Variants in MYRIP observed in about 807,000 individuals in gnomAD.
The protein encoded by MYRIP is myosin VIIA and Rab interacting protein.
MYRIP carries 49 observed loss-of-function variants against 98.0 expected under a neutral mutation model. The observed-to-expected ratio is 0.50, with a 90% CI of 0.40 to 0.63. The LOEUF is 0.63. Among genes scored for constraint, MYRIP ranks in the 30% least tolerant of loss-of-function variants. The pLI is 0.00. For missense variants in MYRIP, 1,004 were observed against 1,058.2 expected, an observed-to-expected ratio of 0.95 and a Z score of 0.71; for synonymous variants, 404 against 409.5, an observed-to-expected ratio of 0.99 and a Z score of 0.16.
At chr3:40,043,407 C>G (rs1947590997) in intron 2 of MYRIP, among the ~76,000 whole-genome samples, 1 of 151,968 alleles carries the variant, frequency 6.6e-6, no homozygotes, top group Admixed American at 6.6e-5. Flanking sequence ...TCACTGAGCA[C>G]AGAGAGAAGT....
intron 1 of MYRIP, among the ~76,000 whole-genome samples, chr3:39,839,146 T>G (rs1941719126): frequency 1.3e-5 from 2 of 152,160 alleles, no homozygotes; most frequent in Admixed American, 1.3e-4. Context: ...GCTCCTGGAT[T>G]CATTGATTTT....
chr3:40,252,755 A>AAGAT (rs780107883), intron 16 of MYRIP, among the ~76,000 whole-genome samples: 1 of 152,198 alleles, frequency 6.6e-6, no homozygotes, highest in Non-Finnish European at 1.5e-5. Flanking sequence ...CTGGTTGTCC[A>AAGAT]AGATAGAATC....
At chr3:40,031,007 A>T (rs1177126168) in intron 2 of MYRIP, among the ~76,000 whole-genome samples, 1 of 152,056 alleles carries the variant, frequency 6.6e-6, no homozygotes, top group African/African-American at 2.4e-5. Context: ...TGGGGAGGGG[A>T]GTAAGAAAGG....
At chr3:39,879,445 A>G (rs1376243159) in intron 1 of MYRIP, among the ~76,000 whole-genome samples, 3 of 151,860 alleles carry the variant, frequency 2.0e-5, no homozygotes, top group Non-Finnish European at 2.9e-5. Flanking sequence ...TGGAGGATAT[A>G]GTACAGAGAC....
intron 1 of MYRIP, among the ~76,000 whole-genome samples, chr3:39,847,562 A>G (rs774610842): frequency 5.3e-5 from 8 of 152,078 alleles, no homozygotes; most frequent in Non-Finnish European, 1.0e-4. Context: ...GTACCTCAAC[A>G]GGTCATAGTT....
intron 2 of MYRIP, among the ~76,000 whole-genome samples, chr3:40,028,693 AC>A (rs1559370662): frequency 1.3e-5 from 2 of 152,304 alleles, no homozygotes; most frequent in Middle Eastern, 3.4e-3. Flanking sequence ...CATGTAGCTG[AC>A]CATTTGAAGT....
At chr3:40,053,674 G>A (rs1947833268) in intron 3 of MYRIP, among the ~76,000 whole-genome samples, 1 of 152,104 alleles carries the variant, frequency 6.6e-6, no homozygotes, top group Non-Finnish European at 1.5e-5. Flanking sequence ...CCCAAGTTCA[G>A]GAGTCTCCTT....
intron 2 of MYRIP, among the ~76,000 whole-genome samples, chr3:39,925,186 AAAAT>A (rs1320904383): frequency 1.3e-5 from 2 of 151,898 alleles, no homozygotes; most frequent in African/African-American, 4.8e-5. Context: ...AATGATTTAA[AAAAT>A]AAATCTTCAG....
Position 39,912,833 on chromosome 3 carries a change from A to G in MYRIP, c.110+11907A>G, listed in dbSNP as rs538561821. On this transcript the variant is annotated intron_variant, in intron 2 of 16. Transcript: ENST00000302541. ...GGCAGGCAGATCACCTGAGGTCAAG[A>G]GTTCGAGACCAGCCTGGCCAATATG... 4.6e-5 allele frequency among the ~76,000 whole-genome samples: 7 copies of G among 152,360 alleles called. No individual in the cohort carries two copies. The East Asian group carries it at 1.2e-3, about 25-fold the overall frequency.
chr3:39,853,858 T>G (rs1212906025), intron 1 of MYRIP, among the ~76,000 whole-genome samples: 1 of 152,192 alleles, frequency 6.6e-6, no homozygotes, highest in Non-Finnish European at 1.5e-5. Context: ...GTTTTTCCAA[T>G]GTTATCTTCT....
intron 3 of MYRIP, among the ~76,000 whole-genome samples, chr3:40,117,270 T>C (rs891280319): frequency 6.6e-6 from 1 of 152,214 alleles, no homozygotes. Flanking sequence ...ACAAAGACCC[T>C]GGAGGCTGAA....
intron 1 of MYRIP, among the ~76,000 whole-genome samples, chr3:39,837,805 G>T (rs1427519217): frequency 2.6e-5 from 4 of 152,184 alleles, no homozygotes; most frequent in Non-Finnish European, 5.9e-5. Context: ...ACTACTTTGG[G>T]CAGAATGGCC....
chr3:39,844,884 C>A (rs190945338), intron 1 of MYRIP, among the ~76,000 whole-genome samples: 81 of 152,302 alleles, frequency 5.3e-4, no homozygotes, highest in Non-Finnish European at 8.2e-4. Context: ...CGGGACAGAG[C>A]AGCTTATGCC....
intron 1 of MYRIP, among the ~76,000 whole-genome samples, chr3:39,872,750 G>T (rs1942843715): frequency 6.6e-6 from 1 of 151,970 alleles, no homozygotes; most frequent in African/African-American, 2.4e-5. Context: ...TTGGACATTT[G>T]GCTTGGTTCC....
At chr3:40,031,494 C>A (rs568856172) in intron 2 of MYRIP, among the ~76,000 whole-genome samples, 43 of 152,200 alleles carry the variant, frequency 2.8e-4, no homozygotes, top group Non-Finnish European at 5.4e-4. Context: ...TGGCCTTGAG[C>A]CTTTGCAAGA....
chr3:40,150,969 G>A (rs1950106006), intron 3 of MYRIP, 79 bp from the exon 4 acceptor site: 3 of 1,321,376 alleles, frequency 2.3e-6, no homozygotes, highest in Admixed American at 2.6e-5. Flanking sequence ...GATGGATGGA[G>A]CTGTGAAGCA....
intron 3 of MYRIP, among the ~76,000 whole-genome samples, chr3:40,140,191 T>C (rs781654816): frequency 1.3e-5 from 2 of 152,218 alleles, no homozygotes; most frequent in Non-Finnish European, 2.9e-5. Flanking sequence ...ATGGAATTAC[T>C]GTACTGTATA....
At chr3:40,080,613 T>C (rs1948453062) in intron 3 of MYRIP, among the ~76,000 whole-genome samples, 1 of 151,986 alleles carries the variant, frequency 6.6e-6, no homozygotes, top group African/African-American at 2.4e-5. Flanking sequence ...TTATTTATAA[T>C]ATCATCTTAT....
At chr3:39,841,133 AT>A (rs138603769) in intron 1 of MYRIP, among the ~76,000 whole-genome samples, 4,222 of 152,136 alleles carry the variant, frequency 0.028, 190 homozygotes, top group East Asian at 0.22. Context: ...ACATAGTCCC[AT>A]ATTTCTTGGA....
Sources: gnomAD v4.1 joint callset for allele counts (sites outside exome capture counted in the v4.1 genomes callset) on GRCh38, gnomAD v4.1.1 for gene constraint, MANE v1.5 for transcripts, NCBI Gene and HGNC (gene_info 2026-07-23, HGNC 2026-07-21) for gene names.